Variants in PTPRN2 observed in about 807,000 individuals in gnomAD.
PTPRN2 encodes receptor-type tyrosine-protein phosphatase N2.
PTPRN2 carries 74 observed loss-of-function variants against 118.8 expected under a neutral mutation model. That is an observed-to-expected ratio of 0.62 (90% CI 0.52 to 0.76). PTPRN2 has a LOEUF of 0.76. PTPRN2 is among the 30% of genes least tolerant of loss of function. The pLI, the probability that PTPRN2 is intolerant of heterozygous loss-of-function variation, is 0.00. For missense variants in PTPRN2, 1,481 were observed against 1,394.4 expected, an observed-to-expected ratio of 1.06 and a Z score of -0.99; for synonymous variants, 641 against 608.0, an observed-to-expected ratio of 1.05 and a Z score of -0.80.
At chr7:158,068,228 G>A (rs1287071230) in intron 11 of PTPRN2, among the ~76,000 whole-genome samples, 1 of 152,250 alleles carries the variant, frequency 6.6e-6, no homozygotes, top group African/African-American at 2.4e-5. Context: ...TCAACATGAA[G>A]GAGAAAGCCA....
chr7:157,893,217 AT>A lies in PTPRN2; in HGVS notation c.1788+5455del, dbSNP rs1349076453. Among the ~76,000 whole-genome samples the A allele has an allele frequency of 3.3e-5, 5 of 152,164 alleles. No individual in the cohort carries two copies. Among genetic ancestry groups the A allele is most frequent in the Admixed American group, 3.3e-4 (5 of 15,280 alleles). On this transcript the variant is annotated intron_variant, in intron 12 of 22. Transcript: ENST00000389418. This position sits in a 1 kb window ranked among gnomAD's most constrained non-coding sequence, Gnocchi z 4.0. ...GAAATAAACACTCTAGCGTTTGGTA[AT>A]TTTCTGTCCCAGGGATGACGGAGCC...
At chr7:158,551,522 T>A (rs1464646135) in intron 1 of PTPRN2, among the ~76,000 whole-genome samples, 76 of 108,544 alleles carry the variant, frequency 7.0e-4, no homozygotes, top group Middle Eastern at 7.7e-3. Flanking sequence ...CCATTGCATC[T>A]GGAGTGGGGC....
chr7:157,818,282 G>A (rs1806563608), intron 12 of PTPRN2, among the ~76,000 whole-genome samples: 1 of 152,134 alleles, frequency 6.6e-6, no homozygotes, highest in African/African-American at 2.4e-5. Context: ...GATGCCGGCA[G>A]TGTGTTGGTC....
intron 10 of PTPRN2, among the ~76,000 whole-genome samples, chr7:158,085,095 C>G (rs1407166409): frequency 2.8e-4 from 39 of 140,848 alleles, no homozygotes; most frequent in African/African-American, 1.0e-3. Context: ...CATCCACACC[C>G]ACCACACCCA....
intron 13 of PTPRN2, among the ~76,000 whole-genome samples, chr7:157,662,412 C>T (rs1795932791): frequency 6.6e-6 from 1 of 152,232 alleles, no homozygotes; most frequent in Non-Finnish European, 1.5e-5. Flanking sequence ...TCGCCGGGCC[C>T]TGACCCCCGA....
At chr7:158,310,528 C>T (rs1389133733) in intron 3 of PTPRN2, among the ~76,000 whole-genome samples, 1 of 152,242 alleles carries the variant, frequency 6.6e-6, no homozygotes, top group Non-Finnish European at 1.5e-5. Context: ...AAACAGTGCA[C>T]CTCAGTGGCA....
At chr7:158,249,859 A>C (rs1796548090) in intron 3 of PTPRN2, among the ~76,000 whole-genome samples, 1 of 152,238 alleles carries the variant, frequency 6.6e-6, no homozygotes, top group Non-Finnish European at 1.5e-5. Context: ...TGCTCCAGCA[A>C]GACGCCACGT....
At chr7:157,905,547 A>T (rs1797724677) in intron 11 of PTPRN2, among the ~76,000 whole-genome samples, 1 of 152,248 alleles carries the variant, frequency 6.6e-6, no homozygotes, top group Admixed American at 6.5e-5. Flanking sequence ...GCGGAACCCT[A>T]TAATGTTCTC....
At chr7:158,575,913 C>T (rs1828295781) in intron 1 of PTPRN2, among the ~76,000 whole-genome samples, 1 of 152,060 alleles carries the variant, frequency 6.6e-6, no homozygotes. Flanking sequence ...TTATAGAAAA[C>T]TAAACCAAGA....
intron 13 of PTPRN2, chr7:157,669,444 G>A (rs1341100179): frequency 1.1e-5 from 5 of 453,016 alleles, no homozygotes; most frequent in South Asian, 4.7e-5. Flanking sequence ...CACACACCCA[G>A]GGGAGGATGC....
At chr7:157,751,076 G>A (rs68176438) in intron 12 of PTPRN2, among the ~76,000 whole-genome samples, 6,430 of 152,342 alleles carry the variant, frequency 0.042, 184 homozygotes, top group Non-Finnish European at 0.048. Context: ...AGATCCTGGC[G>A]GGGAGCTGCT....
intron 11 of PTPRN2, among the ~76,000 whole-genome samples, chr7:158,078,824 T>C (rs1218099656): frequency 6.6e-6 from 1 of 152,230 alleles, no homozygotes; most frequent in Admixed American, 6.5e-5. Context: ...AAAATTCTTT[T>C]TTATAATCTC....
chr7:158,449,535 A>G (rs1817956342), intron 2 of PTPRN2, among the ~76,000 whole-genome samples: 1 of 149,984 alleles, frequency 6.7e-6, no homozygotes, highest in South Asian at 2.1e-4. Context: ...GCCGAGTCCA[A>G]ACAAACACCA....
At chr7:157,702,792 C>T (rs929288291) in intron 12 of PTPRN2, among the ~76,000 whole-genome samples, 5 of 152,218 alleles carry the variant, frequency 3.3e-5, no homozygotes, top group Admixed American at 2.0e-4. Context: ...AAACACCCGC[C>T]GTCCTGCTGC....
chr7:158,500,671 A>C lies in PTPRN2; in HGVS notation c.113-10886T>G, dbSNP rs561858006. ...GACGCTGCCAAACGCCCCAGCCACA[A>C]AAACGTCCACCCGCTGCCTCTCACT... On this transcript the variant is annotated intron_variant, in intron 1 of 22. Transcript: ENST00000389418. 2.6e-4 allele frequency among the ~76,000 whole-genome samples: 40 copies of C among 152,340 alleles called. No homozygotes were observed. In the East Asian group the frequency reaches 7.5e-3, roughly 29 times the overall value.
intron 3 of PTPRN2, among the ~76,000 whole-genome samples, chr7:158,303,081 T>C (rs1801010528): frequency 6.6e-6 from 1 of 152,158 alleles, no homozygotes; most frequent in Admixed American, 6.5e-5. Flanking sequence ...TTTTATGATT[T>C]ATTTTAAAGT....
rs753363067 is a variant in PTPRN2, at chr7:158,071,450, C to CGTGGTGGAGGTGCTT, written c.1723+9847_1723+9848insAAGCACCTCCACCAC. Among the ~76,000 whole-genome samples the CGTGGTGGAGGTGCTT allele has an allele frequency of 8.5e-3, 228 of 26,860 alleles. 35 individuals carry two copies. Among genetic ancestry groups the CGTGGTGGAGGTGCTT allele is most frequent in the African/African-American group, 0.04 (223 of 5,554 alleles). 17.6% of individuals were successfully genotyped at this position (26,860 alleles called of 152,430 possible). ...AGGTGCTCGTGGTGGTGGAGGTGCT[C>CGTGGTGGAGGTGCTT]GTGGTTGAGGTGCTCGTGGTGGTGG... On this transcript the variant is annotated intron_variant, in intron 11 of 22. Coordinates refer to ENST00000389418, the MANE Select transcript of PTPRN2 (RefSeq NM_002847.5).
chr7:158,508,850 G>A lies in PTPRN2; in HGVS notation c.113-19065C>T, dbSNP rs1822971707. Among the ~76,000 whole-genome samples the A allele has an allele frequency of 5.1e-5, 5 of 98,164 alleles. No individual in the cohort carries two copies. In the Admixed American group the frequency reaches 5.2e-4, roughly 10 times the overall value. 64.4% of individuals were successfully genotyped at this position (98,164 alleles called of 152,430 possible). A position where few individuals can be genotyped will look rare whatever the true frequency, so the allele number is the denominator to read the frequency against. On this transcript the variant is annotated intron_variant, in intron 1 of 22. Transcript: ENST00000389418. ...GGTGTCGGGGCAACGTGGGACGCTC[G>A]GAGCAGGTGCGGAAGTGGCTCCGCT... is the stretch of plus-strand genomic sequence containing the variant.
At chr7:158,032,855 C>A (rs988421935) in intron 11 of PTPRN2, among the ~76,000 whole-genome samples, 1 of 152,118 alleles carries the variant, frequency 6.6e-6, no homozygotes, top group Non-Finnish European at 1.5e-5. Flanking sequence ...TCCAGGTTTT[C>A]AGGAGAGGAG....
Sources: gnomAD v4.1 joint callset for allele counts (sites outside exome capture counted in the v4.1 genomes callset) on GRCh38, gnomAD v4.1.1 for gene constraint, Gnocchi (gnomAD v3.1) non-coding constraint, MANE v1.5 for transcripts, NCBI Gene and HGNC (gene_info 2026-07-23, HGNC 2026-07-21) for gene names.